SPAST: variants seen among roughly 807,000 people sequenced by gnomAD.
SPAST encodes the protein spastic paraplegia 4 (autosomal dominant; spastin).
In SPAST, 30 loss-of-function variants were observed where a neutral mutation model predicts 76.6. That is an observed-to-expected ratio of 0.39 (90% CI 0.29 to 0.53). The LOEUF is 0.53. Among genes scored for constraint, SPAST ranks in the 20% least tolerant of loss-of-function variants. SPAST has a pLI of 0.68. For synonymous variants in SPAST, 305 were observed against 281.0 expected (o/e 1.09, Z -0.86); for missense variants, 717 against 770.5 (o/e 0.93, Z 0.82).
At chr2:32,122,898 A>G (rs2148740808) in intron 7 of SPAST, among the ~76,000 whole-genome samples, 1 of 152,338 alleles carries the variant, frequency 6.6e-6, no homozygotes, top group Middle Eastern at 3.4e-3. Flanking sequence ...CAAGGTGTAG[A>G]ATACAAAGTT....
At chr2:32,139,299 C>T (rs1679641508) in intron 12 of SPAST, among the ~76,000 whole-genome samples, 1 of 152,094 alleles carries the variant, frequency 6.6e-6, no homozygotes, top group Admixed American at 6.6e-5. Context: ...AAACAAAAGG[C>T]ATCCAAATAG....
intron 1 of SPAST, among the ~76,000 whole-genome samples, chr2:32,085,798 T>C (rs539331133): frequency 1.2e-3 from 187 of 151,122 alleles, no homozygotes; most frequent in Middle Eastern, 6.8e-3. Context: ...CCCAGCACTT[T>C]GGGAGGCCGA....
rs1558614620 is a variant in SPAST, at chr2:32,075,893, G to GT, written c.416-11599_416-11598insT. Among the ~76,000 whole-genome samples, 53 of 69,996 alleles carry GT rather than the reference G, an allele frequency of 7.6e-4. 1 individual carries two copies. The highest frequency in any genetic ancestry group is 3.2e-3 in the East Asian group (5 of 1,548). The allele number at this position is 69,996 out of a possible 152,430, so 45.9% of individuals were successfully genotyped here. ...TTTTTTTTAATGAAAAATTCAAAAT[G>GT]CTCTTTTTTTTTTTTTTTTTTTTTT... is the stretch of plus-strand genomic sequence containing the variant. On this transcript the variant is annotated intron_variant, in intron 1 of 16. Transcript: ENST00000315285.
chr2:32,085,871 G>A (rs1194281945), intron 1 of SPAST, among the ~76,000 whole-genome samples: 7 of 151,784 alleles, frequency 4.6e-5, no homozygotes, highest in East Asian at 3.9e-4. Flanking sequence ...GTGAAACCCC[G>A]TCTCTACTAA....
chr2:32,098,901 G>T lies in SPAST; in HGVS notation c.682+10G>T. 1 of 1,556,818 alleles carries T rather than the reference G, an allele frequency of 6.4e-7. No homozygotes were observed. ...GGACATCTCCAGTCAGGTGGGTTTAGGTTAACTAACATAAAATAATAAAGC... is the reference window on the plus strand; with the variant it reads ...GGACATCTCCAGTCAGGTGGGTTTATGTTAACTAACATAAAATAATAAAGC... On this transcript the variant is annotated intron_variant, in intron 4 of 16. Coordinates refer to ENST00000315285, the MANE Select transcript of SPAST (RefSeq NM_014946.4).
chr2:32,087,073 GA>G (rs529001560), intron 1 of SPAST, among the ~76,000 whole-genome samples: 323 of 152,270 alleles, frequency 2.1e-3, no homozygotes, highest in African/African-American at 7.3e-3. Context: ...ACTTCCTCTA[GA>G]GAGGAGGTAC....
chr2:32,136,870 C>T lies in SPAST; in HGVS notation c.1322-7C>T, dbSNP rs1679552190. Reference sequence around the variant, plus strand: ...TAATTAAAGTCTTATACTTGTATTTCCTCTAGATGAAGTTGATAGCCTTTT... The same window carrying T: ...TAATTAAAGTCTTATACTTGTATTTTCTCTAGATGAAGTTGATAGCCTTTT... On this transcript the variant is annotated splice_polypyrimidine_tract_variant and splice_region_variant and intron_variant, in intron 10 of 16. Transcript: ENST00000315285. 1.2e-6 allele frequency: 2 copies of T among 1,607,328 alleles called. No individual in the cohort carries two copies. Among genetic ancestry groups the T allele is most frequent in the Non-Finnish European group, 1.7e-6 (2 of 1,173,988 alleles).
chr2:32,106,791 G>C (rs1274506106), intron 4 of SPAST, among the ~76,000 whole-genome samples: 2 of 151,416 alleles, frequency 1.3e-5, no homozygotes, highest in Non-Finnish European at 2.9e-5. Flanking sequence ...TCCTTCCTCT[G>C]TCTGATTTAA....
chr2:32,132,623 T>A (rs1424008927), intron 9 of SPAST, among the ~76,000 whole-genome samples: 1 of 152,112 alleles, frequency 6.6e-6, no homozygotes, highest in Non-Finnish European at 1.5e-5. Context: ...CTATTTTAGT[T>A]GTCTTTCTAT....
intron 1 of SPAST, among the ~76,000 whole-genome samples, chr2:32,069,239 A>T (rs796139852): frequency 1.9e-4 from 29 of 150,022 alleles, no homozygotes; most frequent in African/African-American, 6.1e-4. Context: ...AAGAAAACTG[A>T]GTTTATATTG....
chr2:32,114,886 C>T, intron 5 of SPAST, 61 bp downstream of exon 5: 2 of 1,184,720 alleles, frequency 1.7e-6, no homozygotes, highest in Non-Finnish European at 2.5e-6. Context: ...TTTTAAGATA[C>T]TATTCCTGCT....
intron 9 of SPAST, among the ~76,000 whole-genome samples, chr2:32,135,455 A>G (rs928264791): frequency 3.9e-5 from 6 of 152,146 alleles, no homozygotes; most frequent in Non-Finnish European, 8.8e-5. Context: ...ATTATTCTAA[A>G]TCTGGTGACA....
chr2:32,146,696 C>G (rs1218588146), intron 15 of SPAST, among the ~76,000 whole-genome samples: 1 of 151,786 alleles, frequency 6.6e-6, no homozygotes, highest in Non-Finnish European at 1.5e-5. Flanking sequence ...GAAACCGCAT[C>G]TCTACTGAAA....
At chr2:32,106,172 G>A (rs985256981) in intron 4 of SPAST, among the ~76,000 whole-genome samples, 7 of 152,110 alleles carry the variant, frequency 4.6e-5, no homozygotes, top group Admixed American at 6.6e-5. Context: ...AGATGCCCCC[G>A]CCTCCAGCCT....
intron 4 of SPAST, among the ~76,000 whole-genome samples, chr2:32,114,388 C>G (rs966908876): frequency 1.3e-5 from 2 of 151,954 alleles, no homozygotes; most frequent in Non-Finnish European, 2.9e-5. Flanking sequence ...GCACTCCAGC[C>G]CAGGCCACAG....
intron 1 of SPAST, among the ~76,000 whole-genome samples, chr2:32,074,426 G>A (rs145222354): frequency 2.6e-5 from 4 of 152,112 alleles, no homozygotes; most frequent in Non-Finnish European, 5.9e-5. Flanking sequence ...TAAGTGCCAG[G>A]TCAAATACCA....
At chr2:32,152,609 TTAA>T (rs544981662) in intron 16 of SPAST, among the ~76,000 whole-genome samples, 218 of 152,280 alleles carry the variant, frequency 1.4e-3, no homozygotes, top group African/African-American at 4.9e-3. Context: ...AATATCATGT[TTAA>T]TACCCATGTT....
chr2:32,087,743 T>G (rs545536201), intron 2 of SPAST, among the ~76,000 whole-genome samples, 165 bp downstream of exon 2: 88 of 143,782 alleles, frequency 6.1e-4, no homozygotes, highest in African/African-American at 2.2e-3. Flanking sequence ...TTACCCAGGC[T>G]GGAGTGCAGT....
intron 15 of SPAST, among the ~76,000 whole-genome samples, chr2:32,146,715 A>C (rs1410261968): frequency 6.6e-6 from 1 of 151,934 alleles, no homozygotes; most frequent in Non-Finnish European, 1.5e-5. Context: ...AAATACAAAA[A>C]TTAGCCAGGC....
Sources: gnomAD v4.1 joint callset for allele counts (sites outside exome capture counted in the v4.1 genomes callset) on GRCh38, gnomAD v4.1.1 for gene constraint, MANE v1.5 for transcripts, NCBI Gene and HGNC (gene_info 2026-07-23, HGNC 2026-07-21) for gene names.